Variants in DLEU7 observed in about 807,000 individuals in gnomAD.
DLEU7 encodes deleted in lymphocytic leukemia 7.
A neutral mutation model predicts 16.0 loss-of-function variants in DLEU7; 17 were observed. The observed-to-expected ratio is 1.06, with a 90% confidence interval of 0.73 to 1.59. DLEU7 has a LOEUF of 1.59. DLEU7 is among the 40% of genes most tolerant of loss of function. The pLI is 0.00. For missense variants in DLEU7, 308 were observed against 314.9 expected (o/e 0.98, Z 0.17); for synonymous variants, 113 against 139.8 (o/e 0.81, Z 1.35).
chr13:50,781,069 G>C (rs2034283710), intron 1 of DLEU7, among the ~76,000 whole-genome samples: 1 of 152,098 alleles, frequency 6.6e-6, no homozygotes, highest in African/African-American at 2.4e-5. Context: ...CAAATAACTG[G>C]AGAATTTCTG....
chr13:50,798,648 C>T (rs1443646732), intron 1 of DLEU7, among the ~76,000 whole-genome samples: 2 of 152,178 alleles, frequency 1.3e-5, no homozygotes, highest in Non-Finnish European at 2.9e-5. Context: ...TGGCTGCTCC[C>T]AACATGCAGT....
intron 1 of DLEU7, among the ~76,000 whole-genome samples, chr13:50,817,671 A>G (rs1297077184): frequency 1.3e-5 from 2 of 152,282 alleles, no homozygotes; most frequent in Admixed American, 1.3e-4. Flanking sequence ...GAGTTTTAAG[A>G]TGTGGAAGAT....
intron 1 of DLEU7, among the ~76,000 whole-genome samples, chr13:50,824,331 T>G (rs1423848704): frequency 6.6e-6 from 1 of 152,198 alleles, no homozygotes; most frequent in African/African-American, 2.4e-5. Flanking sequence ...AAGATAATGC[T>G]GAATATAAGA....
chr13:50,792,660 G>A (rs959816853), intron 1 of DLEU7, among the ~76,000 whole-genome samples: 9 of 152,036 alleles, frequency 5.9e-5, no homozygotes, highest in African/African-American at 1.9e-4. Flanking sequence ...TTAATGGTGT[G>A]CGCACTGTTT....
At chr13:50,746,488 A>G (rs1874399710) in intron 1 of DLEU7, among the ~76,000 whole-genome samples, 1 of 152,220 alleles carries the variant, frequency 6.6e-6, no homozygotes, top group Non-Finnish European at 1.5e-5. Context: ...TAAGCTATCA[A>G]AATTCAGTCA....
intron 1 of DLEU7, among the ~76,000 whole-genome samples, chr13:50,781,962 T>G (rs184440621): frequency 6.6e-6 from 1 of 152,364 alleles, no homozygotes; most frequent in Admixed American, 6.5e-5. Flanking sequence ...TTTGAACATT[T>G]AGTATGTCCT....
At chr13:50,736,412 G>A (rs115871687) in intron 1 of DLEU7, among the ~76,000 whole-genome samples, 128 of 152,202 alleles carry the variant, frequency 8.4e-4, no homozygotes, top group African/African-American at 3.0e-3. Context: ...ACCAGGCTTA[G>A]TACCTGAGTG....
intron 1 of DLEU7, among the ~76,000 whole-genome samples, chr13:50,792,310 A>G (rs1249919594): frequency 1.3e-5 from 2 of 152,208 alleles, no homozygotes; most frequent in Admixed American, 6.5e-5. Flanking sequence ...CTTTTGTCCA[A>G]CATTCCATCC....
rs538424494 is a variant in DLEU7 at position 50,740,615 on chromosome 13, A to G, written c.460-27375T>C. 1.3e-4 allele frequency among the ~76,000 whole-genome samples: 20 copies of G among 152,264 alleles called. 1 individual carries two copies. The East Asian group carries it at 3.7e-3, about 28-fold the overall frequency. On this transcript the variant is annotated intron_variant, in intron 1 of 1. Coordinates refer to the DLEU7 transcript ENST00000400393. ...CTGTCCTGGAACAAAGAGGTCCCCA[A>G]GCCTTTTTATCGCTAATCTCTGAAG...
intron 1 of DLEU7, among the ~76,000 whole-genome samples, chr13:50,714,527 A>G (rs754088509): frequency 3.9e-5 from 6 of 152,240 alleles, no homozygotes; most frequent in Non-Finnish European, 8.8e-5. Flanking sequence ...AATATTGTTA[A>G]AAATGCTCAT....
intron 1 of DLEU7, among the ~76,000 whole-genome samples, chr13:50,832,771 T>G (rs1049300223): frequency 2.0e-5 from 3 of 152,220 alleles, no homozygotes; most frequent in African/African-American, 7.2e-5. Context: ...GTTGTTCAGT[T>G]TCCATGTAGT....
chr13:50,799,759 C>G (rs1164770191), intron 1 of DLEU7, among the ~76,000 whole-genome samples: 1 of 152,166 alleles, frequency 6.6e-6, no homozygotes, highest in Non-Finnish European at 1.5e-5. Flanking sequence ...TGTTTGTGGG[C>G]AGCAATTACA....
At chr13:50,733,139 C>T (rs1366111930) in intron 1 of DLEU7, among the ~76,000 whole-genome samples, 1 of 152,186 alleles carries the variant, frequency 6.6e-6, no homozygotes, top group African/African-American at 2.4e-5. Flanking sequence ...CAGCACTTGT[C>T]TGCATATTAG....
intron 1 of DLEU7, among the ~76,000 whole-genome samples, chr13:50,789,525 TAC>T (rs1292187464): frequency 6.6e-6 from 1 of 151,506 alleles, no homozygotes; most frequent in Non-Finnish European, 1.5e-5. Flanking sequence ...TATATATGTA[TAC>T]ACACACATAT....
intron 1 of DLEU7, among the ~76,000 whole-genome samples, chr13:50,838,722 A>G (rs1256928199): frequency 6.6e-6 from 1 of 152,188 alleles, no homozygotes; most frequent in Non-Finnish European, 1.5e-5. Context: ...TCAACCCCCA[A>G]TGTGACTGTA....
At chr13:50,826,244 T>G (rs1877082796) in intron 1 of DLEU7, among the ~76,000 whole-genome samples, 2 of 152,116 alleles carry the variant, frequency 1.3e-5, no homozygotes, top group Admixed American at 6.6e-5. Context: ...CTGTGCGGTG[T>G]GGTTCCTAAC....
chr13:50,810,824 A>G (rs1277050383), intron 1 of DLEU7, among the ~76,000 whole-genome samples: 1 of 152,218 alleles, frequency 6.6e-6, no homozygotes, highest in East Asian at 1.9e-4. Context: ...TATATTATAC[A>G]TCCCTGGATT....
chr13:50,762,122 C>T (rs1874952215), intron 1 of DLEU7, among the ~76,000 whole-genome samples: 1 of 132,140 alleles, frequency 7.6e-6, no homozygotes, highest in Non-Finnish European at 1.5e-5. Context: ...GCCCGGGAGG[C>T]GGAGGTTGCA....
intron 1 of DLEU7, among the ~76,000 whole-genome samples, chr13:50,729,168 C>T (rs1229786708): frequency 6.6e-6 from 1 of 152,108 alleles, no homozygotes; most frequent in Non-Finnish European, 1.5e-5. Context: ...TTTTCAGATC[C>T]TCACCCTCCT....
Sources: allele counts gnomAD v4.1 joint callset (sites outside exome capture counted in the v4.1 genomes callset), GRCh38; gene constraint gnomAD v4.1.1; transcripts MANE v1.5; gene names NCBI Gene and HGNC (gene_info 2026-07-23, HGNC 2026-07-21).